The following ZHX3 variants were observed in gnomAD, a reference collection of about 807,000 sequenced individuals.
ZHX3 encodes the protein zinc fingers and homeoboxes protein 3.
Under a neutral mutation model 64.5 loss-of-function variants are expected in ZHX3, and 20 were observed. The observed-to-expected ratio is 0.31, with a 90% CI of 0.22 to 0.45. The LOEUF (loss-of-function observed/expected upper bound fraction) is 0.45. ZHX3 is among the 20% of genes least tolerant of loss of function. The pLI is 1.00. For synonymous variants in ZHX3, 423 were observed against 461.6 expected (o/e 0.92, Z 1.07); for missense variants, 1,041 against 1,195.8 (o/e 0.87, Z 1.91).
chr20:41,245,780 A>C (rs1028705503), intron 2 of ZHX3, among the ~76,000 whole-genome samples: 5 of 152,238 alleles, frequency 3.3e-5, no homozygotes, highest in African/African-American at 1.2e-4. Context: ...GTGATGCCAC[A>C]AAGATAATAA....
intron 1 of ZHX3, among the ~76,000 whole-genome samples, chr20:41,313,510 C>T (rs1290028065): frequency 2.7e-5 from 4 of 150,446 alleles, no homozygotes; most frequent in Admixed American, 2.7e-4. Flanking sequence ...ACAGCCCACA[C>T]AAACATAGAA....
intron 1 of ZHX3, among the ~76,000 whole-genome samples, chr20:41,313,470 C>T (rs941639730): frequency 2.6e-5 from 4 of 151,928 alleles, no homozygotes; most frequent in Non-Finnish European, 4.4e-5. Context: ...TCAAAAATCA[C>T]GTTGATAATT....
At chr20:41,301,213 T>A (rs1392236751) in intron 1 of ZHX3, among the ~76,000 whole-genome samples, 1 of 152,066 alleles carries the variant, frequency 6.6e-6, no homozygotes, top group Admixed American at 6.5e-5. Flanking sequence ...GACTTTCATC[T>A]CCTCTTGAAT....
At chr20:41,192,534 G>C (rs1303708499) in intron 3 of ZHX3, among the ~76,000 whole-genome samples, 1 of 152,244 alleles carries the variant, frequency 6.6e-6, no homozygotes, top group Non-Finnish European at 1.5e-5. Flanking sequence ...AGTGGCACTT[G>C]TGCCTCAGCC....
At chr20:41,190,394 C>T (rs1426774166) in intron 3 of ZHX3, among the ~76,000 whole-genome samples, 1 of 152,182 alleles carries the variant, frequency 6.6e-6, no homozygotes, top group Non-Finnish European at 1.5e-5. Context: ...TGGTCTCAAG[C>T]TCCTGACCTC....
chr20:41,203,559 T>C lies in ZHX3; in HGVS notation c.1358A>G (p.Gln453Arg). The C allele has an allele frequency of 6.2e-7, 1 of 1,614,234 alleles. No homozygotes were observed. The highest frequency in any genetic ancestry group is 2.2e-5 in the East Asian group (1 of 44,888). Residue 453 changes from glutamine to arginine, a missense_variant, in exon 3 of 4, where the codon CAG becomes CGG. Gln to Arg is a conservative substitution (Grantham distance 43, BLOSUM62 1). Transcript: ENST00000683867. The surrounding 1 kb of genome is among the most constrained non-coding windows in gnomAD (Gnocchi z 7.1). Reference sequence around the variant, plus strand: ...AGTGTTAATGGGTGCCACACCTGGCTGCTTGGGGACGGATGTCACCGTGAG... The same window carrying C: ...AGTGTTAATGGGTGCCACACCTGGCCGCTTGGGGACGGATGTCACCGTGAG... ...LPLTVTSVPK[Q>R]PGVAPINTVC...
rs1174429786 is a variant in ZHX3, at chr20:41,196,380, CATAA to C, written c.2860+5673_2860+5676del. 3.6e-4 allele frequency among the ~76,000 whole-genome samples: 20 copies of C among 56,068 alleles called. 1 individual carries two copies. The highest frequency in any genetic ancestry group is 1.4e-3 in the African/African-American group (14 of 10,016). 36.8% of individuals were successfully genotyped at this position (56,068 alleles called of 152,430 possible). A position where few individuals can be genotyped will look rare whatever the true frequency, so the allele number is the denominator to read the frequency against. On this transcript the variant is annotated intron_variant, in intron 3 of 3. Coordinates refer to ENST00000683867, the MANE Select transcript of ZHX3 (RefSeq NM_001384317.1). ...CTTATAAATATATATATTTATATAA[CATAA>C]ATATATATTTATATATATTATATAT...
At position 41,201,831 on chromosome 20, in the gene ZHX3, G is replaced by C. The variant is rs2038242082; in HGVS notation, c.2860+226C>G. ...GTCACCATGTTCCTTCCCCTGCGCA[G>C]GTTTTTAAAAACACATGAAACAAAA... On this transcript the variant is annotated intron_variant, in intron 3 of 3. Transcript: ENST00000683867. The surrounding 1 kb of genome is among the most constrained non-coding windows in gnomAD (Gnocchi z 5.0). Among the ~76,000 whole-genome samples, 1 of 152,096 alleles carries C rather than the reference G, an allele frequency of 6.6e-6. No individual in the cohort carries two copies. Among genetic ancestry groups the C allele is most frequent in the Admixed American group, 6.5e-5 (1 of 15,270 alleles).
chr20:41,224,441 T>A lies in ZHX3; in HGVS notation c.-150-19375A>T, dbSNP rs2040136849. 6.6e-6 allele frequency among the ~76,000 whole-genome samples: 1 copy of A among 152,204 alleles called. No individual in the cohort carries two copies. The highest frequency in any genetic ancestry group is 2.4e-5 in the African/African-American group (1 of 41,442). ...GCACATTCTCTCTATACATTCTAAT[T>A]TGTCTGCATTTCTCACAAAATGTGG... On this transcript the variant is annotated intron_variant, in intron 2 of 3. Coordinates refer to ENST00000683867, the MANE Select transcript of ZHX3 (RefSeq NM_001384317.1). This position sits in a 1 kb window ranked among gnomAD's most constrained non-coding sequence, Gnocchi z 5.2.
chr20:41,299,814 T>G (rs1003077279), intron 1 of ZHX3, among the ~76,000 whole-genome samples: 1 of 137,620 alleles, frequency 7.3e-6, no homozygotes, highest in African/African-American at 2.8e-5. Context: ...GTAAGCCAAA[T>G]ATTACACCAC....
intron 3 of ZHX3, chr20:41,197,211 A>C (rs913960943): frequency 6.8e-6 from 1 of 147,418 alleles, no homozygotes; most frequent in African/African-American, 2.5e-5. Context: ...CATGTTATAC[A>C]TATATTTTAT....
At position 41,184,721 on chromosome 20, in the gene ZHX3, G is replaced by A. The variant is rs919945333; in HGVS notation, c.*470C>T. The A allele has an allele frequency of 1.6e-5, 11 of 671,820 alleles. No homozygotes were observed. The highest frequency in any genetic ancestry group is 3.6e-5 in the African/African-American group (2 of 55,016). The allele number at this position is 671,820 out of a possible 1,614,324, so 41.6% of individuals were successfully genotyped here. On this transcript the variant is annotated 3_prime_UTR_variant, in exon 4 of 4. Coordinates refer to ENST00000683867, the MANE Select transcript of ZHX3 (RefSeq NM_001384317.1). ...CCTGCCTGACTGTGGAAGGTGAGGG[G>A]CACCTGTGACCCAGCAATCCCCAGA...
Position 41,201,371 on chromosome 20 carries a change from C to CA in ZHX3, c.2860+685dup. On this transcript the variant is annotated intron_variant, in intron 3 of 3. Coordinates refer to ENST00000683867, the MANE Select transcript of ZHX3 (RefSeq NM_001384317.1). This position sits in a 1 kb window ranked among gnomAD's most constrained non-coding sequence, Gnocchi z 5.0. The stretch of plus-strand genomic sequence containing the variant: ...GGAGGGAAGGGAGAGGCTGGGAACT[C>CA]AGTGACCAGGAACCTAGAAAATCAA... The CA allele has an allele frequency of 7.7e-7, 1 of 1,304,714 alleles. No individual in the cohort carries two copies. The highest frequency in any genetic ancestry group is 1.2e-5 in the South Asian group (1 of 81,030). The allele number at this position is 1,304,714 out of a possible 1,614,324, so 80.8% of individuals were successfully genotyped here.
Position 41,204,228 on chromosome 20 carries a change from T to C in ZHX3, c.689A>G (p.His230Arg). Residue 230 changes from histidine to arginine, a missense_variant, in exon 3 of 4, where the codon CAT (histidine) becomes CGT (arginine). By Grantham distance (29) the His-to-Arg change is conservative. Around this residue, in one of 4 missense-constraint regions of ZHX3, gnomAD observed 358 missense variants for 369.1 expected, o/e 0.97. Transcript: ENST00000683867. The surrounding 1 kb of genome is among the most constrained non-coding windows in gnomAD (Gnocchi z 6.6). Reference sequence around the variant, plus strand: ...TGGAACTGCCCCATTGATGAAGGAATGGTCCCCCTCTCTCACCTCCATTTC... The same window carrying C: ...TGGAACTGCCCCATTGATGAAGGAACGGTCCCCCTCTCTCACCTCCATTTC... ...TGEMEVREGD[H>R]SFINGAVPVS... 1 of 1,613,570 alleles carries C rather than the reference T, an allele frequency of 6.2e-7. No individual in the cohort carries two copies. The highest frequency in any genetic ancestry group is 1.7e-5 in the Admixed American group (1 of 59,982).
chr20:41,283,191 G>A (rs2043777207), intron 1 of ZHX3, among the ~76,000 whole-genome samples: 1 of 152,118 alleles, frequency 6.6e-6, no homozygotes, highest in Admixed American at 6.5e-5. Context: ...TTACAGGTGT[G>A]AGCCACCATG....
At chr20:41,236,201 G>A (rs1246145671) in intron 2 of ZHX3, among the ~76,000 whole-genome samples, 1 of 152,104 alleles carries the variant, frequency 6.6e-6, no homozygotes, top group African/African-American at 2.4e-5. Context: ...ACTGTCCAAG[G>A]TAATTTACAG....
chr20:41,279,031 C>A (rs931245517), intron 1 of ZHX3, among the ~76,000 whole-genome samples: 1 of 152,158 alleles, frequency 6.6e-6, no homozygotes, highest in South Asian at 2.1e-4. Context: ...CCCACCTCGG[C>A]CTCTCAAAGT....
intron 2 of ZHX3, among the ~76,000 whole-genome samples, chr20:41,237,142 G>C (rs1278319172): frequency 3.3e-5 from 5 of 152,182 alleles, no homozygotes; most frequent in Admixed American, 3.3e-4. Context: ...TGGAAAAATA[G>C]GAACACTTTT....
At chr20:41,210,350 T>A (rs2039064025) in intron 2 of ZHX3, among the ~76,000 whole-genome samples, 1 of 152,232 alleles carries the variant, frequency 6.6e-6, no homozygotes, top group African/African-American at 2.4e-5. Context: ...TTACTGGGCA[T>A]ATACCCAAAG....
Sources: gnomAD v4.1 joint callset for allele counts (sites outside exome capture counted in the v4.1 genomes callset) on GRCh38, gnomAD v4.1.1 for gene constraint, gnomAD v4.1.1 regional missense constraint, Gnocchi (gnomAD v3.1) non-coding constraint, MANE v1.5 for transcripts, NCBI Gene and HGNC (gene_info 2026-07-23, HGNC 2026-07-21) for gene names.